IL4R: variants seen among roughly 807,000 people sequenced by gnomAD.
The protein encoded by IL4R is interleukin 4 receptor.
Under a neutral mutation model 41.5 loss-of-function variants are expected in IL4R, and 17 were observed. The ratio of observed to expected loss-of-function variants is 0.41; its 90% CI spans 0.28 to 0.61. The LOEUF (loss-of-function observed/expected upper bound fraction) is 0.61, where lower values mean the gene tolerates loss of function less well. Ranked by LOEUF, IL4R falls within the 20% of genes least tolerant of loss-of-function variation. The probability of loss-of-function intolerance (pLI) is 0.31; values close to 1 mark genes in which losing one functional copy is unlikely to be tolerated. For missense variants in IL4R, 974 were observed against 1,043.1 expected, an observed-to-expected ratio of 0.93 and a Z score of 0.91; for synonymous variants, 402 against 422.9, an observed-to-expected ratio of 0.95 and a Z score of 0.61.
chr16:27,358,097 T>C (rs928129990), intron 8 of IL4R, among the ~76,000 whole-genome samples: 2 of 152,142 alleles, frequency 1.3e-5, no homozygotes, highest in African/African-American at 4.8e-5. Flanking sequence ...TTTCACCATA[T>C]TGGCCAGGCT....
chr16:27,324,524 G>A (rs969566656), intron 1 of IL4R, among the ~76,000 whole-genome samples: 2 of 152,222 alleles, frequency 1.3e-5, no homozygotes, highest in Admixed American at 1.3e-4. Flanking sequence ...CCTTGTGTGA[G>A]CTGGCCTTGC....
intron 4 of IL4R, among the ~76,000 whole-genome samples, chr16:27,344,464 C>T (rs543158969): frequency 2.6e-5 from 4 of 151,902 alleles, no homozygotes; most frequent in South Asian, 2.1e-4. Context: ...TGGCCTAGCC[C>T]GTGAGATGTG....
chr16:27,320,710 C>T (rs781050585), intron 1 of IL4R, among the ~76,000 whole-genome samples: 5 of 152,164 alleles, frequency 3.3e-5, no homozygotes, highest in Admixed American at 6.5e-5. Flanking sequence ...TCAGAGAAGG[C>T]CTATGTTTTC....
chr16:27,316,211 A>T (rs930511787), intron 1 of IL4R, among the ~76,000 whole-genome samples: 2 of 152,090 alleles, frequency 1.3e-5, no homozygotes, highest in African/African-American at 2.4e-5. Flanking sequence ...TACAAAAAAA[A>T]TTTAAAAACT....
intron 1 of IL4R, among the ~76,000 whole-genome samples, chr16:27,325,296 A>T (rs2084927182): frequency 1.3e-5 from 2 of 151,902 alleles, no homozygotes; most frequent in Non-Finnish European, 2.9e-5. Flanking sequence ...AATCTGCCAG[A>T]CGCAGTGGCT....
chr16:27,326,522 C>G (rs1028856958), intron 1 of IL4R, among the ~76,000 whole-genome samples: 2 of 152,000 alleles, frequency 1.3e-5, no homozygotes, highest in Non-Finnish European at 2.9e-5. Flanking sequence ...AAAAATTATT[C>G]GAGCATGGTG....
chr16:27,323,747 G>C (rs1416808219), intron 1 of IL4R, among the ~76,000 whole-genome samples: 1 of 151,808 alleles, frequency 6.6e-6, no homozygotes, highest in Non-Finnish European at 1.5e-5. Flanking sequence ...CTGCGACCTC[G>C]TGGGCTCAAG....
intron 2 of IL4R, among the ~76,000 whole-genome samples, chr16:27,338,257 G>C (rs1431926372): frequency 6.6e-6 from 1 of 150,814 alleles, no homozygotes; most frequent in East Asian, 1.9e-4. Flanking sequence ...TTTATGACAG[G>C]GTCTTGCTGG....
chr16:27,335,004 G>T (rs1230235982), intron 2 of IL4R, among the ~76,000 whole-genome samples: 2 of 152,144 alleles, frequency 1.3e-5, no homozygotes, highest in Non-Finnish European at 2.9e-5. Context: ...AGGGACAGAT[G>T]TCCCACGCTG....
chr16:27,352,623 A>G lies in IL4R; in HGVS notation c.597A>G (p.Ala199=). 1.2e-6 allele frequency: 2 copies of G among 1,614,174 alleles called. No homozygotes were observed. Among genetic ancestry groups the G allele is most frequent in the Non-Finnish European group, 8.5e-7 (1 of 1,180,010 alleles). Residue 199 remains alanine, a synonymous_variant, in exon 7 of 11, where the codon GCA becomes GCG. Coordinates refer to ENST00000395762, the MANE Select transcript of IL4R (RefSeq NM_000418.4). ...TGAAGTCTGGGATTTCCTACAGGGCACGGGTGAGGGCCTGGGCTCAGTGCT... is the reference window on the plus strand; with the variant it reads ...TGAAGTCTGGGATTTCCTACAGGGCGCGGGTGAGGGCCTGGGCTCAGTGCT... The part of the protein sequence containing the change: ...STLKSGISYR[A]RVRAWAQCYN...
Position 27,358,976 on chromosome 16 carries a change from A to C in IL4R, c.831A>C (p.Ile277=). The change falls in exon 9 of 11, where the codon ATA becomes ATC. Residue 277 remains isoleucine, a synonymous_variant. Coordinates refer to ENST00000395762, the MANE Select transcript of IL4R (RefSeq NM_000418.4). ...CAGCCCGCAGCCGCCTCGTGGCTATAATAATCCAGGATGCTCAGGTAGGAG... is the reference window on the plus strand; with the variant it reads ...CAGCCCGCAGCCGCCTCGTGGCTATCATAATCCAGGATGCTCAGGTAGGAG... ...PNPARSRLVA[I]IIQDAQGSQW... 1 of 1,613,610 alleles carries C rather than the reference A, an allele frequency of 6.2e-7. No individual in the cohort carries two copies. The highest frequency in any genetic ancestry group is 1.3e-5 in the African/African-American group (1 of 75,052).
chr16:27,363,024 G>C lies in IL4R; in HGVS notation c.1672G>C (p.Val558Leu). ...ETWEQILRRN[V>L]LQHGAAAAPV... ...CTGGGAGCAGATCCTCCGCCGAAATGTCCTCCAGCATGGGGCAGCTGCAGC... is the reference window on the plus strand; with the variant it reads ...CTGGGAGCAGATCCTCCGCCGAAATCTCCTCCAGCATGGGGCAGCTGCAGC... Residue 558 changes from valine (V) to leucine (L), a missense_variant, in exon 11 of 11, where the codon GTC becomes CTC. By Grantham distance (32) the Val-to-Leu change is conservative. Coordinates refer to ENST00000395762, the MANE Select transcript of IL4R (RefSeq NM_000418.4). The C allele has an allele frequency of 6.2e-7, 1 of 1,614,146 alleles. No individual in the cohort carries two copies. The highest frequency in any genetic ancestry group is 8.5e-7 in the Non-Finnish European group (1 of 1,180,032).
chr16:27,344,868 G>T lies in IL4R; in HGVS notation c.210-1G>T, dbSNP rs1403311677. On this transcript the variant is annotated splice_acceptor_variant, in intron 4 of 10. Transcript: ENST00000395762. LOFTEE classifies it high-confidence loss of function. ...GCCTAACCCAGCCCCTGTGTCTGCA[G>T]AGCCCACACGTGTATCCCTGAGAAC... The T allele has an allele frequency of 1.9e-6, 3 of 1,614,136 alleles. No homozygotes were observed. Among genetic ancestry groups the T allele is most frequent in the Non-Finnish European group, 2.5e-6 (3 of 1,180,014 alleles).
At chr16:27,349,898 G>A (rs1037061382) in intron 6 of IL4R, among the ~76,000 whole-genome samples, 2 of 152,098 alleles carry the variant, frequency 1.3e-5, no homozygotes, top group African/African-American at 4.8e-5. Flanking sequence ...TACAGGCACA[G>A]GCCACCACGC....
At chr16:27,336,266 A>G (rs1018290287) in intron 2 of IL4R, among the ~76,000 whole-genome samples, 13 of 152,282 alleles carry the variant, frequency 8.5e-5, no homozygotes, top group South Asian at 2.1e-4. Context: ...TGTGTAGTTT[A>G]TGGAATACTG....
chr16:27,359,762 A>G (rs1323819140), intron 9 of IL4R: 1 of 455,668 alleles, frequency 2.2e-6, no homozygotes, highest in Non-Finnish European at 4.4e-6. Context: ...GACAATACAT[A>G]TAAAGTGCAT....
chr16:27,322,691 C>CA (rs2084849065), intron 1 of IL4R, among the ~76,000 whole-genome samples: 1 of 152,158 alleles, frequency 6.6e-6, no homozygotes. Context: ...GTCTAGGTGA[C>CA]AGAGTGAGAC....
chr16:27,347,762 C>T (rs1032699348), intron 6 of IL4R, among the ~76,000 whole-genome samples: 3 of 152,216 alleles, frequency 2.0e-5, no homozygotes, highest in African/African-American at 7.2e-5. Flanking sequence ...CTGTGCCACT[C>T]GCCAGCTGTG....
At chr16:27,317,193 C>T (rs1284920477) in intron 1 of IL4R, among the ~76,000 whole-genome samples, 4 of 152,202 alleles carry the variant, frequency 2.6e-5, no homozygotes, top group South Asian at 2.1e-4. Context: ...TGCGAGCAAA[C>T]GTGCCTGGCC....
Sources: gnomAD v4.1 joint callset for allele counts (sites outside exome capture counted in the v4.1 genomes callset) on GRCh38, gnomAD v4.1.1 for gene constraint, MANE v1.5 for transcripts, NCBI Gene and HGNC (gene_info 2026-07-23, HGNC 2026-07-21) for gene names.